Variants in ACOXL observed in about 807,000 individuals in gnomAD.
ACOXL encodes the protein acyl-CoA oxidase like.
ACOXL carries 70 observed loss-of-function variants against 71.9 expected under a neutral mutation model. The ratio of observed to expected loss-of-function variants is 0.97; its 90% CI spans 0.80 to 1.19. ACOXL has a LOEUF of 1.19. Among genes scored for constraint, ACOXL ranks in the 50% most tolerant of loss-of-function variants. The probability of loss-of-function intolerance (pLI) is 0.00; values close to 1 mark genes in which losing one functional copy is unlikely to be tolerated. For missense variants in ACOXL, 703 were observed against 736.3 expected (o/e 0.95, Z 0.52); for synonymous variants, 253 against 281.6 (o/e 0.90, Z 1.02).
At chr2:110,908,988 A>G (rs1044040768) in intron 11 of ACOXL, 83 bp downstream of exon 11, 2 of 1,033,350 alleles carry the variant, frequency 1.9e-6, no homozygotes, top group Admixed American at 4.7e-5. Flanking sequence ...CAGGCACAGG[A>G]TGTCATTTTC....
chr2:110,947,329 G>T (rs2061147820), intron 12 of ACOXL, among the ~76,000 whole-genome samples: 1 of 152,144 alleles, frequency 6.6e-6, no homozygotes, highest in Admixed American at 6.5e-5. Context: ...GAATAATAGG[G>T]GAAACAGCCC....
intron 1 of ACOXL, among the ~76,000 whole-genome samples, chr2:110,740,278 A>AT (rs1677356745): frequency 6.6e-6 from 1 of 152,236 alleles, no homozygotes; most frequent in African/African-American, 2.4e-5. Flanking sequence ...TCCCAAGACT[A>AT]TATCAGGCAA....
rs572992475 is a variant in ACOXL at position 110,760,244 on chromosome 2, A to G, written c.-22-8124A>G. Among the ~76,000 whole-genome samples the G allele has an allele frequency of 2.7e-5, 4 of 150,550 alleles. No homozygotes were observed. The East Asian group carries it at 7.8e-4, about 29-fold the overall frequency. On this transcript the variant is annotated intron_variant, in intron 1 of 17. Coordinates refer to ENST00000439055, the MANE Select transcript of ACOXL (RefSeq NM_001142807.4). ...AAGCTCCACCTCTTGGGTTCACGCC[A>G]TTCTCCTGCCTCAGCCTCCCGAGTA...
chr2:110,952,031 T>C (rs1348492448), intron 12 of ACOXL, among the ~76,000 whole-genome samples: 1 of 152,248 alleles, frequency 6.6e-6, no homozygotes, highest in Non-Finnish European at 1.5e-5. Context: ...TTTTCTGTTC[T>C]CTGGAAGAGT....
intron 12 of ACOXL, among the ~76,000 whole-genome samples, chr2:110,941,172 ATTCTC>A (rs926889075): frequency 1.3e-4 from 20 of 152,302 alleles, no homozygotes; most frequent in African/African-American, 4.8e-4. Flanking sequence ...GTATTGCTAA[ATTCTC>A]TTTATGTGCA....
intron 12 of ACOXL, among the ~76,000 whole-genome samples, chr2:110,952,648 G>A (rs2149413544): frequency 6.6e-6 from 1 of 152,162 alleles, no homozygotes; most frequent in East Asian, 1.9e-4. Context: ...GGGTCTCACT[G>A]TGTTGTCCAG....
intron 10 of ACOXL, among the ~76,000 whole-genome samples, chr2:110,860,108 T>C (rs1693761646): frequency 6.6e-6 from 1 of 152,136 alleles, no homozygotes; most frequent in Non-Finnish European, 1.5e-5. Context: ...GTCGCCTAAA[T>C]AGCCTTTTTG....
intron 17 of ACOXL, chr2:111,101,245 A>T (rs1298289179): frequency 2.0e-5 from 3 of 152,412 alleles, no homozygotes; most frequent in Non-Finnish European, 4.4e-5. Context: ...GTGATTAAAG[A>T]ACACACAAAA....
chr2:110,924,209 AC>A (rs1469217010), intron 11 of ACOXL, among the ~76,000 whole-genome samples: 12 of 152,142 alleles, frequency 7.9e-5, no homozygotes, highest in Admixed American at 7.2e-4. Flanking sequence ...TCAGTGAGTT[AC>A]TCTTTTTGCT....
At chr2:110,862,429 C>G (rs2148990710) in intron 10 of ACOXL, among the ~76,000 whole-genome samples, 1 of 152,208 alleles carries the variant, frequency 6.6e-6, no homozygotes, top group Non-Finnish European at 1.5e-5. Flanking sequence ...GACAGGAGTT[C>G]AAGACCAGCC....
intron 10 of ACOXL, among the ~76,000 whole-genome samples, chr2:110,882,178 G>A (rs1696742140): frequency 6.6e-6 from 1 of 152,142 alleles, no homozygotes; most frequent in Admixed American, 6.5e-5. Flanking sequence ...GTGTGTAGTG[G>A]TATCTCATTG....
chr2:110,772,212 C>T (rs1682035588), intron 2 of ACOXL, among the ~76,000 whole-genome samples: 1 of 152,152 alleles, frequency 6.6e-6, no homozygotes, highest in Non-Finnish European at 1.5e-5. Context: ...GGGATTCAAA[C>T]CCAGGTGCTC....
intron 9 of ACOXL, among the ~76,000 whole-genome samples, chr2:110,828,810 C>G (rs1377926282): frequency 6.6e-6 from 1 of 151,824 alleles, no homozygotes; most frequent in Non-Finnish European, 1.5e-5. Flanking sequence ...CTTGTACTAT[C>G]TTGCTATTTT....
At chr2:110,963,862 C>G in intron 12 of ACOXL, 2 of 1,184,978 alleles carry the variant, frequency 1.7e-6, no homozygotes, top group Non-Finnish European at 2.3e-6. Flanking sequence ...CAGGGGATTA[C>G]GTTATTTCTC....
intron 12 of ACOXL, among the ~76,000 whole-genome samples, chr2:110,940,273 G>C (rs1403996512): frequency 6.6e-6 from 1 of 152,178 alleles, no homozygotes; most frequent in Admixed American, 6.5e-5. Flanking sequence ...TGATCAAACA[G>C]AAAGGGTCTT....
At chr2:110,790,375 C>T (rs1559264589) in intron 3 of ACOXL, among the ~76,000 whole-genome samples, 3 of 152,206 alleles carry the variant, frequency 2.0e-5, no homozygotes, top group Admixed American at 2.0e-4. Flanking sequence ...TGTGACCTGT[C>T]CTGGCTACAC....
At chr2:110,736,460 A>G (rs751036378) in intron 1 of ACOXL, among the ~76,000 whole-genome samples, 1 of 152,098 alleles carries the variant, frequency 6.6e-6, no homozygotes, top group African/African-American at 2.4e-5. Context: ...CAGGTACCAT[A>G]TAAGTGGATT....
rs767010404 is a variant in ACOXL at position 110,794,062 on chromosome 2, CT to C, written c.247-13del. ...TGACCAGCTAATTCCCTTCTAACATCTGGTAAACTCCAGGAGCAGAAATACA... is the reference window on the plus strand; with the variant it reads ...TGACCAGCTAATTCCCTTCTAACATCGGTAAACTCCAGGAGCAGAAATACA... On this transcript the variant is annotated splice_polypyrimidine_tract_variant and intron_variant, in intron 4 of 17. Transcript: ENST00000439055. The C allele has an allele frequency of 6.2e-6, 10 of 1,613,502 alleles. No individual in the cohort carries two copies. The African/African-American group carries it at 1.2e-4, about 19-fold the overall frequency.
chr2:110,736,883 G>A (rs1676924211), intron 1 of ACOXL, among the ~76,000 whole-genome samples: 1 of 152,166 alleles, frequency 6.6e-6, no homozygotes, highest in Non-Finnish European at 1.5e-5. Context: ...GCCTCCCAAA[G>A]TGCTGGGATT....
Sources: gnomAD v4.1 joint callset for allele counts (sites outside exome capture counted in the v4.1 genomes callset) on GRCh38, gnomAD v4.1.1 for gene constraint, MANE v1.5 for transcripts, NCBI Gene and HGNC (gene_info 2026-07-23, HGNC 2026-07-21) for gene names.